STXBP4: variants seen among roughly 807,000 people sequenced by gnomAD.
STXBP4 encodes the protein syntaxin-binding protein 4.
Under a neutral mutation model 76.1 loss-of-function variants are expected in STXBP4, and 55 were observed. The ratio of observed to expected loss-of-function variants is 0.72; its 90% CI spans 0.58 to 0.91. The LOEUF (loss-of-function observed/expected upper bound fraction) is 0.91. STXBP4 is among the 40% of genes least tolerant of loss of function. The pLI, the probability that STXBP4 is intolerant of heterozygous loss-of-function variation, is 0.00. For synonymous variants in STXBP4, 201 were observed against 220.2 expected (o/e 0.91, Z 0.77); for missense variants, 618 against 636.9 (o/e 0.97, Z 0.32).
chr17:55,177,622 G>A (rs953915107), downstream of STXBP4, among the ~76,000 whole-genome samples: 3 of 152,314 alleles, frequency 2.0e-5, no homozygotes, highest in Non-Finnish European at 2.9e-5. Context: ...CATCACTTTC[G>A]AAATGGAGAT....
intron 1 of STXBP4, among the ~76,000 whole-genome samples, chr17:54,969,046 G>T (rs930038669): frequency 6.6e-6 from 1 of 152,188 alleles, no homozygotes; most frequent in Non-Finnish European, 1.5e-5. Context: ...TGGCTCCTGT[G>T]CTCACTGCCC....
the STXBP4 span, among the ~76,000 whole-genome samples, chr17:55,180,827 A>C: frequency 6.6e-6 from 1 of 152,322 alleles, no homozygotes; most frequent in East Asian, 1.9e-4. Context: ...GACTTAAGAC[A>C]AGAGGAAAGA....
chr17:54,988,335 G>A (rs910541543), intron 3 of STXBP4, among the ~76,000 whole-genome samples: 2 of 152,168 alleles, frequency 1.3e-5, no homozygotes, highest in African/African-American at 4.8e-5. Context: ...GAGATTGTTT[G>A]TGCCCCCAGT....
At chr17:55,183,605 A>C in the STXBP4 span, among the ~76,000 whole-genome samples, 1 of 152,210 alleles carries the variant, frequency 6.6e-6, no homozygotes, top group Admixed American at 6.5e-5. Context: ...AATTCAACAA[A>C]GGTCAACTAT....
intron 16 of STXBP4, among the ~76,000 whole-genome samples, chr17:55,097,626 G>A (rs979958258): frequency 6.6e-5 from 10 of 150,546 alleles, no homozygotes; most frequent in Non-Finnish European, 1.3e-4. Context: ...TTGTGCCACT[G>A]CACTCCAGCC....
chr17:55,094,562 G>A (rs952278358), intron 16 of STXBP4, among the ~76,000 whole-genome samples: 4 of 152,024 alleles, frequency 2.6e-5, no homozygotes, highest in Non-Finnish European at 4.4e-5. Context: ...CCTGAAATTC[G>A]GTGTTAATTT....
chr17:55,068,942 A>G (rs2079087085), intron 12 of STXBP4, among the ~76,000 whole-genome samples: 2 of 152,182 alleles, frequency 1.3e-5, no homozygotes, highest in Admixed American at 1.3e-4. Context: ...AACACATAGT[A>G]TATTTATTGT....
intron 16 of STXBP4, among the ~76,000 whole-genome samples, chr17:55,100,737 G>A (rs1228406671): frequency 3.3e-5 from 5 of 152,138 alleles, no homozygotes; most frequent in Admixed American, 3.3e-4. Context: ...ATGCCTTTGT[G>A]TGATCCTCTC....
chr17:55,050,055 T>C (rs1449092578), intron 12 of STXBP4, among the ~76,000 whole-genome samples: 1 of 151,908 alleles, frequency 6.6e-6, no homozygotes, highest in East Asian at 1.9e-4. Context: ...AAAAAGAAGA[T>C]ACAGTTAGAC....
At chr17:54,999,015 G>T (rs897718554) in intron 4 of STXBP4, among the ~76,000 whole-genome samples, 1 of 152,066 alleles carries the variant, frequency 6.6e-6, no homozygotes, top group African/African-American at 2.4e-5. Flanking sequence ...CTTTATCACA[G>T]AGTCAGAGCT....
At chr17:55,196,515 A>G in the STXBP4 span, among the ~76,000 whole-genome samples, 1 of 152,172 alleles carries the variant, frequency 6.6e-6, no homozygotes, top group Admixed American at 6.5e-5. Flanking sequence ...TTTTATTTTT[A>G]TGTATTCCCT....
chr17:55,015,481 A>T lies in STXBP4; in HGVS notation c.666+7884A>T, dbSNP rs1314170036. Among the ~76,000 whole-genome samples, 3 of 152,234 alleles carry T rather than the reference A, an allele frequency of 2.0e-5. No homozygotes were observed. The South Asian group carries it at 6.2e-4, about 31-fold the overall frequency. On this transcript the variant is annotated intron_variant, in intron 8 of 17. Transcript: ENST00000376352. ...TAGTGTCTGATTTAGCAGTAACATT[A>T]TATCTCTCCATATCAGATCAAAGGA... is the stretch of plus-strand genomic sequence containing the variant.
the STXBP4 span, among the ~76,000 whole-genome samples, chr17:55,180,142 G>C: frequency 6.6e-6 from 1 of 152,056 alleles, no homozygotes; most frequent in Non-Finnish European, 1.5e-5. Context: ...TCCTCCATTG[G>C]GCACAAAACC....
chr17:55,198,736 G>T, the STXBP4 span, among the ~76,000 whole-genome samples: 2 of 152,144 alleles, frequency 1.3e-5, no homozygotes. Context: ...TCAACGTACA[G>T]AATTCTTGCT....
the STXBP4 span, among the ~76,000 whole-genome samples, chr17:55,188,614 T>C: frequency 6.6e-6 from 1 of 152,192 alleles, no homozygotes; most frequent in African/African-American, 2.4e-5. Flanking sequence ...GACTGCATTC[T>C]CCTCTTTGTC....
intron 8 of STXBP4, among the ~76,000 whole-genome samples, chr17:55,025,789 TA>T: frequency 6.6e-6 from 1 of 152,150 alleles, no homozygotes; most frequent in Non-Finnish European, 1.5e-5. Flanking sequence ...CTAGCCAGGA[TA>T]ATTAGACAAG....
chr17:55,213,223 A>G, the STXBP4 span, among the ~76,000 whole-genome samples: 1 of 152,082 alleles, frequency 6.6e-6, no homozygotes, highest in Admixed American at 6.6e-5. Context: ...GCACAAGAAG[A>G]CTTGAACAGG....
chr17:55,185,187 TTTTTCTTCTTC>T, the STXBP4 span, among the ~76,000 whole-genome samples: 1 of 141,098 alleles, frequency 7.1e-6, no homozygotes, highest in East Asian at 2.1e-4. Context: ...CTTCTTCTTC[TTTTTCTTCTTC>T]TTCTTCTTCT....
At chr17:54,979,669 C>G (rs952081984) in intron 1 of STXBP4, among the ~76,000 whole-genome samples, 7 of 152,102 alleles carry the variant, frequency 4.6e-5, no homozygotes, top group Admixed American at 1.3e-4. Context: ...TCTTTAGAGA[C>G]CTCTAGATGG....
Sources: gnomAD v4.1 joint callset for allele counts (sites outside exome capture counted in the v4.1 genomes callset) on GRCh38, gnomAD v4.1.1 for gene constraint, MANE v1.5 for transcripts, NCBI Gene and HGNC (gene_info 2026-07-23, HGNC 2026-07-21) for gene names.